Variants in SLC23A2 observed in about 807,000 individuals in gnomAD.
SLC23A2 encodes Na(+)/L-ascorbic acid transporter 2.
A neutral mutation model predicts 73.3 loss-of-function variants in SLC23A2; 36 were observed. The ratio of observed to expected loss-of-function variants is 0.49; its 90% confidence interval spans 0.38 to 0.65. The LOEUF is 0.65. Among genes scored for constraint, SLC23A2 ranks in the 30% least tolerant of loss-of-function variants. The probability of loss-of-function intolerance (pLI) is 0.00; values close to 1 mark genes in which losing one functional copy is unlikely to be tolerated. For missense variants in SLC23A2, 507 were observed against 841.6 expected (o/e 0.60, Z 4.92); for synonymous variants, 343 against 327.3 (o/e 1.05, Z -0.52).
chr20:4,923,285 G>C (rs1363323410), intron 3 of SLC23A2, among the ~76,000 whole-genome samples: 1 of 151,636 alleles, frequency 6.6e-6, no homozygotes, highest in African/African-American at 2.4e-5. Context: ...AGGGAGGATG[G>C]ATAAGGAAAA....
chr20:5,001,951 G>A (rs1051439057), upstream of SLC23A2, among the ~76,000 whole-genome samples: 8 of 152,048 alleles, frequency 5.3e-5, no homozygotes, highest in Non-Finnish European at 1.2e-4. Flanking sequence ...CTCCACTTAG[G>A]TAGCCAGTTT....
chr20:4,921,964 T>G (rs77077052), intron 3 of SLC23A2, among the ~76,000 whole-genome samples: 1,685 of 152,316 alleles, frequency 0.011, 13 homozygotes, highest in Non-Finnish European at 0.018. Context: ...GGGTGGGGAA[T>G]GTGACAACTG....
At position 4,957,953 on chromosome 20, in the gene SLC23A2, G is replaced by T. The variant is rs539491638; in HGVS notation, c.-155+12840C>A. Among the ~76,000 whole-genome samples, 449 of 149,912 alleles carry T rather than the reference G, an allele frequency of 3.0e-3. 1 individual carries two copies. The highest frequency in any genetic ancestry group is 5.2e-3 in the Non-Finnish European group (354 of 67,634). ...TTGGCTTCTTTGGCAGACACTTAAA[G>T]CCTGGCCACTCAAAACCTGGCCACT... On this transcript the variant is annotated intron_variant, in intron 2 of 16. Transcript: ENST00000338244.
At chr20:4,992,588 G>A (rs2087945815) in intron 1 of SLC23A2, among the ~76,000 whole-genome samples, 2 of 141,252 alleles carry the variant, frequency 1.4e-5, no homozygotes, top group Admixed American at 7.8e-5. Context: ...TTGGCTCACT[G>A]CAACCTCCAC....
chr20:4,971,765 C>T (rs1419672685), intron 1 of SLC23A2, among the ~76,000 whole-genome samples: 1 of 152,022 alleles, frequency 6.6e-6, no homozygotes, highest in Non-Finnish European at 1.5e-5. Context: ...CCTACTTGGG[C>T]AACAGAGCAA....
intron 2 of SLC23A2, among the ~76,000 whole-genome samples, chr20:4,957,731 T>C (rs1338997300): frequency 6.6e-6 from 1 of 151,416 alleles, no homozygotes; most frequent in Non-Finnish European, 1.5e-5. Context: ...TGAAACCCCA[T>C]CTCTACTAAA....
intron 4 of SLC23A2, among the ~76,000 whole-genome samples, chr20:4,911,256 T>G (rs1242322278): frequency 6.6e-6 from 1 of 152,222 alleles, no homozygotes; most frequent in African/African-American, 2.4e-5. Flanking sequence ...CCCGCACTTC[T>G]GGAATTTCAG....
chr20:5,001,228 C>A (rs1192475637), intron 1 of SLC23A2, among the ~76,000 whole-genome samples, 178 bp downstream of exon 1: 1 of 146,934 alleles, frequency 6.8e-6, no homozygotes, highest in Admixed American at 6.7e-5. Flanking sequence ...GGCCGGCGGG[C>A]GCGGGGTCCC....
intron 2 of SLC23A2, among the ~76,000 whole-genome samples, chr20:4,967,423 G>A (rs1193366416): frequency 6.6e-6 from 1 of 152,060 alleles, no homozygotes; most frequent in African/African-American, 2.4e-5. Flanking sequence ...TAATTTGCTT[G>A]GAATCTCTTT....
At chr20:4,909,451 T>A (rs1446256605) in intron 4 of SLC23A2, among the ~76,000 whole-genome samples, 1 of 152,134 alleles carries the variant, frequency 6.6e-6, no homozygotes, top group East Asian at 1.9e-4. Context: ...TTTTGGACTG[T>A]TTACTATTAG....
In SLC23A2 at chr20:4,899,721, A is replaced by C; in HGVS notation, c.325-9T>G. On this transcript the variant is annotated splice_polypyrimidine_tract_variant and intron_variant, in intron 5 of 16. Transcript: ENST00000338244. The surrounding 1 kb of genome is among the most constrained non-coding windows in gnomAD (Gnocchi z 4.9). ...AAGCATGTCAGGTAGTGCTGTGGGC[A>C]GGAAAAGGGTCAGAGGAGAAACAGT... 3 of 1,613,898 alleles carry C rather than the reference A, an allele frequency of 1.9e-6. No individual in the cohort carries two copies. Among genetic ancestry groups the C allele is most frequent in the Non-Finnish European group, 2.5e-6 (3 of 1,179,802 alleles).
chr20:4,927,608 T>G (rs1932717111), intron 3 of SLC23A2, among the ~76,000 whole-genome samples: 1 of 152,190 alleles, frequency 6.6e-6, no homozygotes, highest in Non-Finnish European at 1.5e-5. Context: ...ACCCATCATC[T>G]TCCATCTTCC....
intron 1 of SLC23A2, among the ~76,000 whole-genome samples, chr20:5,006,918 C>T (rs1378327445): frequency 1.3e-5 from 2 of 151,038 alleles, no homozygotes; most frequent in African/African-American, 2.4e-5. Context: ...TCTAGGGCTG[C>T]GTGGCAGGAC....
chr20:4,887,120 G>T (rs1931133013), intron 6 of SLC23A2, among the ~76,000 whole-genome samples: 1 of 152,180 alleles, frequency 6.6e-6, no homozygotes, highest in Non-Finnish European at 1.5e-5. Flanking sequence ...CACAGACGCA[G>T]GCTACACCAT....
chr20:4,988,025 G>A (rs1432677877), intron 1 of SLC23A2, among the ~76,000 whole-genome samples: 2 of 150,728 alleles, frequency 1.3e-5, no homozygotes, highest in East Asian at 1.9e-4. Context: ...TTGGCCATGC[G>A]TGATGGTTCA....
chr20:4,928,392 A>G (rs1199813430), intron 3 of SLC23A2, among the ~76,000 whole-genome samples: 2 of 152,046 alleles, frequency 1.3e-5, no homozygotes, highest in Non-Finnish European at 2.9e-5. Context: ...CCATCCCACA[A>G]ACTATTCCTT....
intron 6 of SLC23A2, among the ~76,000 whole-genome samples, chr20:4,889,157 G>A (rs1287464706): frequency 6.6e-6 from 1 of 152,176 alleles, no homozygotes; most frequent in East Asian, 1.9e-4. Context: ...GTGATGTGAC[G>A]GTGTGAAATG....
At chr20:5,004,012 T>A (rs767842370), upstream of SLC23A2, among the ~76,000 whole-genome samples, 1 of 152,018 alleles carries the variant, frequency 6.6e-6, no homozygotes, top group Non-Finnish European at 1.5e-5. Flanking sequence ...AGTCTAGAAA[T>A]GTTAGTTTCC....
chr20:4,935,186 C>CAAAAAAA (rs34200051), intron 2 of SLC23A2, among the ~76,000 whole-genome samples: 2 of 68,114 alleles, frequency 2.9e-5, no homozygotes, highest in African/African-American at 6.1e-5. Flanking sequence ...GACTCCGTCT[C>CAAAAAAA]AAAAAAAAAA....
Sources: allele counts gnomAD v4.1 joint callset (sites outside exome capture counted in the v4.1 genomes callset), GRCh38; gene constraint gnomAD v4.1.1; non-coding constraint Gnocchi (gnomAD v3.1); transcripts MANE v1.5; gene names NCBI Gene and HGNC (gene_info 2026-07-23, HGNC 2026-07-21).